Variants in C11orf65 observed in about 807,000 individuals in gnomAD.
C11orf65 encodes the protein chromosome 11 open reading frame 65, also known as protein MFI.
In C11orf65, 38 loss-of-function variants were observed where a neutral mutation model predicts 35.3. The observed-to-expected ratio is 1.08, with a 90% CI of 0.83 to 1.41. C11orf65 has a LOEUF of 1.41. Among genes scored for constraint, C11orf65 ranks in the 40% most tolerant of loss-of-function variants. The pLI, the probability that C11orf65 is intolerant of heterozygous loss-of-function variation, is 0.00. For missense variants in C11orf65, 370 were observed against 367.1 expected, an observed-to-expected ratio of 1.01 and a Z score of -0.06; for synonymous variants, 105 against 114.4, an observed-to-expected ratio of 0.92 and a Z score of 0.53.
chr11:108,454,363 A>ATCTCAGC (rs2093387790), intron 2 of C11orf65, among the ~76,000 whole-genome samples: 1 of 148,726 alleles, frequency 6.7e-6, no homozygotes, highest in South Asian at 2.1e-4. Flanking sequence ...CAATGGCATG[A>ATCTCAGC]TCTCAGCTCA....
downstream of C11orf65, among the ~76,000 whole-genome samples, chr11:108,381,369 A>G (rs1401365885): frequency 6.6e-6 from 1 of 152,162 alleles, no homozygotes; most frequent in East Asian, 1.9e-4. Flanking sequence ...TGGAGGTCAC[A>G]ATAAGGATTC....
Position 108,417,566 on chromosome 11 carries a change from AAC to A in C11orf65, c.175-10419_175-10418del, listed in dbSNP as rs373311540. On this transcript the variant is annotated intron_variant, in intron 3 of 8. Transcript: ENST00000393084. ...TGTCTCAAAAAAACAAAAACAAACAAACAAAAAAAAACCTGCTGCCTATAAAA... is the reference window on the plus strand; with the variant it reads ...TGTCTCAAAAAAACAAAAACAAACAAAAAAAAAAACCTGCTGCCTATAAAA... 6.4e-3 allele frequency among the ~76,000 whole-genome samples: 950 copies of A among 148,802 alleles called. 4 individuals are homozygous for A. The highest frequency in any genetic ancestry group is 0.011 in the East Asian group (57 of 5,114).
chr11:108,429,284 T>C (rs2092952568), intron 3 of C11orf65, among the ~76,000 whole-genome samples: 1 of 152,008 alleles, frequency 6.6e-6, no homozygotes, highest in African/African-American at 2.4e-5. Context: ...AACCTAGAGG[T>C]TGTAGAAAGT....
At chr11:108,435,646 G>GA (rs1459435440) in intron 2 of C11orf65, among the ~76,000 whole-genome samples, 1 of 152,118 alleles carries the variant, frequency 6.6e-6, no homozygotes, top group Non-Finnish European at 1.5e-5. Context: ...GCTAGTGGAA[G>GA]AAAAAAGTTA....
downstream of C11orf65, among the ~76,000 whole-genome samples, chr11:108,327,921 T>C (rs1370448284): frequency 6.6e-6 from 1 of 152,222 alleles, no homozygotes; most frequent in Non-Finnish European, 1.5e-5. Flanking sequence ...GAGTGAAACA[T>C]TGTTACAAAA....
chr11:108,436,757 G>C (rs2093065064), intron 2 of C11orf65, among the ~76,000 whole-genome samples: 1 of 152,108 alleles, frequency 6.6e-6, no homozygotes, highest in Admixed American at 6.5e-5. Flanking sequence ...AGTAGAAACG[G>C]TAACACTATT....
chr11:108,324,663 C>CT (rs2085478059), intron 6 of C11orf65, among the ~76,000 whole-genome samples: 1 of 152,176 alleles, frequency 6.6e-6, no homozygotes, highest in African/African-American at 2.4e-5. Context: ...ACTTTGTCAT[C>CT]TTACTCTCCC....
At position 108,343,271 on chromosome 11, in the gene C11orf65, C is replaced by A. The variant is rs786203321; in HGVS notation, c.227-7979G>T. ...GGTGTTCTTGAATGGTGCACAGGAACTGTCCCCATTGGTGAATTTCTTGTT... is the reference window on the plus strand; with the variant it reads ...GGTGTTCTTGAATGGTGCACAGGAAATGTCCCCATTGGTGAATTTCTTGTT... On this transcript the variant is annotated intron_variant, in intron 2 of 3. Transcript: ENST00000524755. The A allele has an allele frequency of 6.2e-7, 1 of 1,614,024 alleles. No individual in the cohort carries two copies. The highest frequency in any genetic ancestry group is 8.5e-7 in the Non-Finnish European group (1 of 1,179,918).
chr11:108,408,801 G>C (rs1303412365), intron 3 of C11orf65, among the ~76,000 whole-genome samples: 1 of 151,386 alleles, frequency 6.6e-6, no homozygotes, highest in African/African-American at 2.4e-5. Flanking sequence ...ATGGAAAGTA[G>C]AGAAAAAAAT....
chr11:108,377,505 C>T lies in C11orf65; in HGVS notation c.226+15703G>A, dbSNP rs1257500098. Among the ~76,000 whole-genome samples, 45 of 152,210 alleles carry T rather than the reference C, an allele frequency of 3.0e-4. 1 individual carries two copies. The South Asian group carries it at 9.1e-3, about 31-fold the overall frequency. On this transcript the variant is annotated intron_variant, in intron 2 of 3. Transcript: ENST00000524755. ...TCAAAATAATAAGAGCTATCTATGA[C>T]AGTCCCACAGCCAATATCATACTGA...
chr11:108,463,991 A>T (rs1231741603), intron 1 of C11orf65, among the ~76,000 whole-genome samples: 1 of 145,504 alleles, frequency 6.9e-6, no homozygotes, highest in Non-Finnish European at 1.5e-5. Context: ...CAGAGACATC[A>T]TCTCAGCTCA....
chr11:108,402,134 G>A (rs543741562), intron 6 of C11orf65, among the ~76,000 whole-genome samples: 24 of 152,178 alleles, frequency 1.6e-4, no homozygotes, highest in Non-Finnish European at 2.2e-4. Flanking sequence ...CTCATTGTGA[G>A]CTAAAGGCAA....
chr11:108,454,540 C>T (rs574795043), intron 2 of C11orf65, among the ~76,000 whole-genome samples: 11 of 152,120 alleles, frequency 7.2e-5, no homozygotes, highest in Non-Finnish European at 1.3e-4. Context: ...TCAGGTGATC[C>T]GCCCACCTTG....
chr11:108,362,550 A>C (rs1328770850), intron 2 of C11orf65, among the ~76,000 whole-genome samples: 1 of 149,716 alleles, frequency 6.7e-6, no homozygotes, highest in East Asian at 2.0e-4. Context: ...GAACCAACCC[A>C]AATGTCCAAC....
intron 3 of C11orf65, among the ~76,000 whole-genome samples, chr11:108,418,690 C>G (rs759503043): frequency 4.0e-5 from 6 of 151,150 alleles, no homozygotes; most frequent in African/African-American, 1.5e-4. Context: ...ATGAACAACA[C>G]AAAGAAACAA....
At chr11:108,315,747 A>T (rs2084572077) in intron 6 of C11orf65, 1 of 1,088,022 alleles carries the variant, frequency 9.2e-7, no homozygotes, top group Admixed American at 1.8e-5. Context: ...ATTGGTAATG[A>T]TACAATTTAA....
At chr11:108,450,427 T>C (rs960221262) in intron 2 of C11orf65, among the ~76,000 whole-genome samples, 1 of 151,486 alleles carries the variant, frequency 6.6e-6, no homozygotes, top group Non-Finnish European at 1.5e-5. Flanking sequence ...ATATACACCA[T>C]GGAATACTAT....
chr11:108,336,040 T>C (rs2086816425), intron 2 of C11orf65: 2 of 1,103,390 alleles, frequency 1.8e-6, no homozygotes, highest in Non-Finnish European at 2.7e-6. Flanking sequence ...CTCATGCCCA[T>C]ATTCATAATG....
chr11:108,402,796 T>G (rs568597958), intron 6 of C11orf65, among the ~76,000 whole-genome samples: 1 of 152,306 alleles, frequency 6.6e-6, no homozygotes, highest in Admixed American at 6.5e-5. Context: ...ACTTCAGATT[T>G]GTGTCTTCTA....
Sources: allele counts gnomAD v4.1 joint callset (sites outside exome capture counted in the v4.1 genomes callset), GRCh38; gene constraint gnomAD v4.1.1; transcripts MANE v1.5; gene names NCBI Gene and HGNC (gene_info 2026-07-23, HGNC 2026-07-21).